CHST9: variants seen among roughly 807,000 people sequenced by gnomAD.
The protein encoded by CHST9 is carbohydrate sulfotransferase 9, also known as GalNAc-4-sulfotransferase 2.
In CHST9, 41 loss-of-function variants were observed where a neutral mutation model predicts 44.4. That is an observed-to-expected ratio of 0.92 (90% CI 0.72 to 1.20). CHST9 has a LOEUF of 1.20. Ranked by LOEUF, CHST9 falls within the 50% of genes most tolerant of loss-of-function variation. The probability of loss-of-function intolerance (pLI) is 0.00; values close to 1 mark genes in which losing one functional copy is unlikely to be tolerated. For missense variants in CHST9, 504 were observed against 516.5 expected, an observed-to-expected ratio of 0.98 and a Z score of 0.23; for synonymous variants, 171 against 178.4, an observed-to-expected ratio of 0.96 and a Z score of 0.33.
At chr18:27,042,802 T>C (rs915606162) in intron 3 of CHST9, among the ~76,000 whole-genome samples, 1 of 150,070 alleles carries the variant, frequency 6.7e-6, no homozygotes, top group Admixed American at 6.6e-5. Flanking sequence ...TCCCTCCCTC[T>C]CTCTCTCTTT....
At chr18:27,122,640 G>T (rs949759807) in intron 2 of CHST9, among the ~76,000 whole-genome samples, 3 of 152,128 alleles carry the variant, frequency 2.0e-5, no homozygotes, top group African/African-American at 7.2e-5. Flanking sequence ...GAACTAGCAA[G>T]AACTCCAAAA....
chr18:27,022,213 T>C (rs766434789), intron 4 of CHST9, among the ~76,000 whole-genome samples: 2 of 152,170 alleles, frequency 1.3e-5, no homozygotes, highest in South Asian at 2.1e-4. Flanking sequence ...TTCGAACTTG[T>C]GTCCTCGTAT....
At chr18:27,145,148 T>C (rs2058601343) in intron 1 of CHST9, among the ~76,000 whole-genome samples, 1 of 152,074 alleles carries the variant, frequency 6.6e-6, no homozygotes, top group Non-Finnish European at 1.5e-5. Context: ...ATGAGAAAAA[T>C]ATCATGTCAT....
At chr18:27,037,157 T>G (rs1040801338) in intron 3 of CHST9, among the ~76,000 whole-genome samples, 3 of 152,174 alleles carry the variant, frequency 2.0e-5, no homozygotes, top group African/African-American at 7.2e-5. Flanking sequence ...ATTGGTCACA[T>G]CTTAGCCTTG....
chr18:27,156,704 A>G (rs908579074), intron 1 of CHST9, among the ~76,000 whole-genome samples: 2 of 152,140 alleles, frequency 1.3e-5, no homozygotes, highest in Non-Finnish European at 2.9e-5. Context: ...ATCTCCCCAC[A>G]TACTTCGTAT....
At chr18:27,029,856 T>A (rs1383956986) in intron 3 of CHST9, among the ~76,000 whole-genome samples, 1 of 152,198 alleles carries the variant, frequency 6.6e-6, no homozygotes, top group Non-Finnish European at 1.5e-5. Flanking sequence ...CTGATTGTAA[T>A]TTGAATCTCA....
intron 4 of CHST9, among the ~76,000 whole-genome samples, chr18:26,981,400 C>T (rs2056690500): frequency 6.6e-6 from 1 of 152,196 alleles, no homozygotes; most frequent in Non-Finnish European, 1.5e-5. Context: ...GTCTAGGATC[C>T]ATCAATGTGT....
At chr18:27,067,851 T>C (rs2057798761) in intron 2 of CHST9, among the ~76,000 whole-genome samples, 1 of 152,120 alleles carries the variant, frequency 6.6e-6, no homozygotes, top group African/African-American at 2.4e-5. Context: ...GGAGAAAGGG[T>C]ACCAAAACTC....
chr18:27,037,427 C>T (rs564262015), intron 3 of CHST9, among the ~76,000 whole-genome samples: 17 of 152,306 alleles, frequency 1.1e-4, no homozygotes, highest in South Asian at 2.1e-4. Flanking sequence ...TGGTGGCTCA[C>T]GCCTGTAATC....
At chr18:27,164,280 A>T (rs2058772360) in intron 1 of CHST9, among the ~76,000 whole-genome samples, 1 of 151,898 alleles carries the variant, frequency 6.6e-6, no homozygotes, top group African/African-American at 2.4e-5. Context: ...CCACCAAAAA[A>T]GGAAAGGCCC....
At chr18:27,112,284 G>A (rs1340255293) in intron 2 of CHST9, among the ~76,000 whole-genome samples, 1 of 151,020 alleles carries the variant, frequency 6.6e-6, no homozygotes, top group Non-Finnish European at 1.5e-5. Context: ...TATAACAGAA[G>A]TGTTTCAGAT....
At chr18:27,113,896 T>C (rs908590339) in intron 2 of CHST9, among the ~76,000 whole-genome samples, 16 of 152,236 alleles carry the variant, frequency 1.1e-4, no homozygotes, top group African/African-American at 3.9e-4. Flanking sequence ...AAATGGTGAA[T>C]TTGTAAAAAT....
chr18:26,963,573 TAA>T lies in CHST9; in HGVS notation c.203-19209_203-19208del, dbSNP rs34202207. Among the ~76,000 whole-genome samples, 242 of 137,212 alleles carry T rather than the reference TAA, an allele frequency of 1.8e-3. 1 individual carries two copies. Among genetic ancestry groups the T allele is most frequent in the Admixed American group, 3.4e-3 (46 of 13,614 alleles). The allele number at this position is 137,212 out of a possible 152,430, so 90.0% of individuals were successfully genotyped here. A position where few individuals can be genotyped will look rare whatever the true frequency, so the allele number is the denominator to read the frequency against. ...TCCAGCTTCTGTTTTTAAGGAGTAT[TAA>T]AAAAAAAAAAAAAAGGAAACAATTA... On this transcript the variant is annotated intron_variant, in intron 4 of 5. Coordinates refer to ENST00000618847, the MANE Select transcript of CHST9 (RefSeq NM_031422.6).
chr18:27,179,104 C>A (rs12608380), intron 1 of CHST9, among the ~76,000 whole-genome samples: 68,491 of 135,296 alleles, frequency 0.51, 16,886 homozygotes, highest in South Asian at 0.66. Context: ...CTCTCTCTCT[C>A]TATATATATA....
At chr18:26,974,738 A>C (rs1162977351) in intron 4 of CHST9, among the ~76,000 whole-genome samples, 2 of 149,324 alleles carry the variant, frequency 1.3e-5, no homozygotes, top group Non-Finnish European at 1.5e-5. Flanking sequence ...CAGTGGCCCG[A>C]TCTCGGCTCA....
chr18:27,152,201 G>A (rs9959230), intron 1 of CHST9, among the ~76,000 whole-genome samples: 1,721 of 152,168 alleles, frequency 0.011, 28 homozygotes, highest in African/African-American at 0.036. Flanking sequence ...TTTAACAGGT[G>A]TCTTCTACTT....
At chr18:27,175,451 G>C (rs1178332471) in intron 1 of CHST9, among the ~76,000 whole-genome samples, 1 of 152,000 alleles carries the variant, frequency 6.6e-6, no homozygotes, top group Non-Finnish European at 1.5e-5. Context: ...ATTTTGGGGG[G>C]TGTAAGAAAT....
intron 4 of CHST9, among the ~76,000 whole-genome samples, chr18:26,975,668 T>TATATATAA (rs1238904313): frequency 2.1e-5 from 3 of 142,992 alleles, no homozygotes; most frequent in Admixed American, 7.1e-5. Context: ...TATATATATA[T>TATATATAA]AAATATATGT....
chr18:27,030,296 A>T (rs1177030435), intron 3 of CHST9, among the ~76,000 whole-genome samples: 1 of 152,200 alleles, frequency 6.6e-6, no homozygotes, highest in Non-Finnish European at 1.5e-5. Flanking sequence ...TCTGGTTATA[A>T]AAGTAATTAT....
Sources: allele counts gnomAD v4.1 joint callset (sites outside exome capture counted in the v4.1 genomes callset), GRCh38; gene constraint gnomAD v4.1.1; transcripts MANE v1.5; gene names NCBI Gene and HGNC (gene_info 2026-07-23, HGNC 2026-07-21).